Variants in SLC12A9 observed in about 807,000 individuals in gnomAD.
SLC12A9 encodes CCC-interacting protein 1.
In SLC12A9, 55 loss-of-function variants were observed where a neutral mutation model predicts 66.0. The observed-to-expected ratio is 0.83, with a 90% CI of 0.67 to 1.04. The LOEUF (loss-of-function observed/expected upper bound fraction) is 1.04, where lower values mean the gene tolerates loss of function less well. SLC12A9 is among the 50% of genes least tolerant of loss of function. SLC12A9 has a pLI of 0.00. For synonymous variants in SLC12A9, 577 were observed against 569.0 expected (o/e 1.01, Z -0.20); for missense variants, 1,061 against 1,241.9 (o/e 0.85, Z 2.19).
At chr7:100,838,671 C>G (rs1813717582) in intron 1 of SLC12A9, among the ~76,000 whole-genome samples, 2 of 152,114 alleles carry the variant, frequency 1.3e-5, no homozygotes, top group Non-Finnish European at 2.9e-5. Context: ...TGTGTAGCAC[C>G]ACGCCGGCTA....
In SLC12A9 at chr7:100,866,600, C is replaced by G; in HGVS notation, c.2740C>G (p.Leu914Val). ...HGVTPVTCTDL is the reference protein window; with the variant it reads ...HGVTPVTCTDV ...GGTCACTCCAGTCACCTGCACTGAT[C>G]TGTGATGCCCCTGCCTCCAGGGCTA... Residue 914 changes from leucine (L) to valine (V), a missense_variant, in exon 14 of 14, where the codon CTG becomes GTG. Leu to Val is a conservative substitution (Grantham distance 32). Transcript: ENST00000354161. This position sits in a 1 kb window ranked among gnomAD's most constrained non-coding sequence, Gnocchi z 7.3. The G allele has an allele frequency of 6.4e-7, 1 of 1,563,458 alleles. No homozygotes were observed. Among genetic ancestry groups the G allele is most frequent in the Non-Finnish European group, 8.7e-7 (1 of 1,153,228 alleles).
chr7:100,859,753 G>T, intron 7 of SLC12A9, 132 bp from the exon 8 acceptor site: 1 of 1,123,840 alleles, frequency 8.9e-7, no homozygotes, highest in Non-Finnish European at 1.3e-6. Context: ...TTAAATCCAA[G>T]GCTGCCCAAT....
chr7:100,838,331 A>T (rs1813710667), intron 1 of SLC12A9, among the ~76,000 whole-genome samples: 1 of 152,170 alleles, frequency 6.6e-6, no homozygotes, highest in Admixed American at 6.5e-5. Flanking sequence ...AGATTTCACT[A>T]GGAAGATAAT....
intron 13 of SLC12A9, among the ~76,000 whole-genome samples, chr7:100,863,438 G>A (rs1814886329): frequency 6.6e-6 from 1 of 152,076 alleles, no homozygotes; most frequent in Non-Finnish European, 1.5e-5. Context: ...AGACAATGGA[G>A]CATTATTTGA....
chr7:100,856,989 C>T lies in SLC12A9; in HGVS notation c.570C>T (p.Ala190=). 1 of 1,614,088 alleles carries T rather than the reference C, an allele frequency of 6.2e-7. No individual in the cohort carries two copies. The highest frequency in any genetic ancestry group is 8.5e-7 in the Non-Finnish European group (1 of 1,180,006). The change falls in exon 5 of 14, where the codon GCC becomes GCT. Residue 190 remains alanine (A), a synonymous_variant. Transcript: ENST00000354161. Reference sequence around the variant, plus strand: ...GCACCCTGGGAGCCGGCCTCTATGCCCGGGCCTCATTCCTCACATTCCTGC... The same window carrying T: ...GCACCCTGGGAGCCGGCCTCTATGCTCGGGCCTCATTCCTCACATTCCTGC... ...GVCTLGAGLY[A]RASFLTFLLV... is the part of the protein sequence containing the mutation.
chr7:100,844,479 T>A (rs942834226), intron 1 of SLC12A9, among the ~76,000 whole-genome samples: 2 of 152,128 alleles, frequency 1.3e-5, no homozygotes, highest in African/African-American at 4.8e-5. Context: ...TTAATAGTAA[T>A]AAGTTGGGAA....
At chr7:100,827,101 C>T in intron 1 of SLC12A9, 1 of 1,507,816 alleles carries the variant, frequency 6.6e-7, no homozygotes, top group Non-Finnish European at 9.0e-7. Flanking sequence ...CTGACTCTCC[C>T]TGGGCGGGTG....
intron 1 of SLC12A9, among the ~76,000 whole-genome samples, chr7:100,838,390 A>G (rs1813711650): frequency 6.6e-6 from 1 of 152,238 alleles, no homozygotes. Context: ...TCTGAGGAAC[A>G]GCCCAGAGGC....
upstream of SLC12A9, among the ~76,000 whole-genome samples, chr7:100,851,784 CAAAAAAAA>C (rs66749400): frequency 5.4e-5 from 4 of 74,238 alleles, no homozygotes; most frequent in Non-Finnish European, 7.1e-5. Context: ...GTTCCTGGAT[CAAAAAAAA>C]AAAAAAAAAA....
At chr7:100,830,206 G>A (rs940157356) in intron 1 of SLC12A9, among the ~76,000 whole-genome samples, 1 of 151,860 alleles carries the variant, frequency 6.6e-6, no homozygotes, top group Non-Finnish European at 1.5e-5. Flanking sequence ...ACAAAACTTA[G>A]CCAGGTGTGG....
At chr7:100,859,667 C>T (rs1000919582) in intron 7 of SLC12A9, 7 of 573,556 alleles carry the variant, frequency 1.2e-5, no homozygotes, top group Middle Eastern at 4.7e-4. Flanking sequence ...GCTATGATTA[C>T]AGCACTGCAC....
chr7:100,828,875 T>C (rs1389265186), intron 1 of SLC12A9, among the ~76,000 whole-genome samples: 6 of 152,090 alleles, frequency 3.9e-5, no homozygotes, highest in Admixed American at 6.5e-5. Flanking sequence ...TTCAGGGAAC[T>C]TAACAGTATG....
At chr7:100,837,636 T>C (rs957655347) in intron 1 of SLC12A9, 1 of 152,194 alleles carries the variant, frequency 6.6e-6, no homozygotes, top group Non-Finnish European at 1.5e-5. Context: ...CGAAGAAAAC[T>C]GAAGCTCCTG....
chr7:100,863,065 T>C (rs531013677), intron 13 of SLC12A9, among the ~76,000 whole-genome samples: 34 of 148,556 alleles, frequency 2.3e-4, no homozygotes, highest in East Asian at 9.9e-4. Flanking sequence ...CCTTCTTCTT[T>C]TTTTTTTTTT....
In SLC12A9 at chr7:100,866,988, A is replaced by G. The variant is rs1815134666; in HGVS notation, c.*383A>G. On this transcript the variant is annotated 3_prime_UTR_variant, in exon 14 of 14. Transcript: ENST00000354161. This position sits in a 1 kb window ranked among gnomAD's most constrained non-coding sequence, Gnocchi z 7.3. ...TTTTATTTTTCTAACTCTGCTGACC[A>G]TGAATAAAAGACCAAAACACTACAG... The G allele has an allele frequency of 9.5e-6, 2 of 209,770 alleles. No individual in the cohort carries two copies. The highest frequency in any genetic ancestry group is 5.7e-5 in the Admixed American group (1 of 17,410). 13.0% of individuals were successfully genotyped at this position (209,770 alleles called of 1,614,324 possible).
At chr7:100,859,811 C>A in intron 7 of SLC12A9, 74 bp from the exon 8 acceptor site, 2 of 1,517,598 alleles carry the variant, frequency 1.3e-6, no homozygotes, top group South Asian at 2.5e-5. Context: ...GAGTCTGATC[C>A]TTAAGATCGG....
chr7:100,857,471 A>G, intron 5 of SLC12A9: 1 of 394,454 alleles, frequency 2.5e-6, no homozygotes, highest in Non-Finnish European at 4.7e-6. Context: ...ACTTAAACAG[A>G]TCAGGATCAC....
At chr7:100,860,327 CA>C in intron 9 of SLC12A9, 95 bp downstream of exon 9, 1 of 1,294,850 alleles carries the variant, frequency 7.7e-7, no homozygotes, top group Non-Finnish European at 1.1e-6. Context: ...AATGTAAAGA[CA>C]AATGCGTATG....
At chr7:100,840,915 A>G (rs925468429) in intron 1 of SLC12A9, among the ~76,000 whole-genome samples, 5 of 152,064 alleles carry the variant, frequency 3.3e-5, no homozygotes, top group Non-Finnish European at 7.4e-5. Flanking sequence ...AGGCCTTCCT[A>G]TCAAAAATCC....
Sources: allele counts gnomAD v4.1 joint callset (sites outside exome capture counted in the v4.1 genomes callset), GRCh38; gene constraint gnomAD v4.1.1; non-coding constraint Gnocchi (gnomAD v3.1); transcripts MANE v1.5; gene names NCBI Gene and HGNC (gene_info 2026-07-23, HGNC 2026-07-21).